The following NAALADL2 variants were observed in gnomAD, a reference collection of about 807,000 sequenced individuals.
NAALADL2 encodes the protein inactive N-acetylated-alpha-linked acidic dipeptidase-like protein 2.
In NAALADL2, 76 loss-of-function variants were observed where a neutral mutation model predicts 87.2. The observed-to-expected ratio is 0.87, with a 90% CI of 0.72 to 1.05. The LOEUF (loss-of-function observed/expected upper bound fraction) is 1.05, where lower values mean the gene tolerates loss of function less well. NAALADL2 is among the 50% of genes least tolerant of loss of function. NAALADL2 has a pLI of 0.00. For synonymous variants in NAALADL2, 354 were observed against 331.0 expected (o/e 1.07, Z -0.75); for missense variants, 1,089 against 945.8 (o/e 1.15, Z -1.99).
chr3:174,599,233 GTAGTAGATCTCATAGGTT>G (rs1718213101), intron 2 of NAALADL2, among the ~76,000 whole-genome samples: 1 of 152,160 alleles, frequency 6.6e-6, no homozygotes, highest in Non-Finnish European at 1.5e-5. Flanking sequence ...TCATCAACAG[GTAGTAGATCTCATAGGTT>G]TAGTAGAGTG....
intron 1 of NAALADL2, among the ~76,000 whole-genome samples, chr3:174,488,974 C>A (rs1718023311): frequency 6.6e-6 from 1 of 152,010 alleles, no homozygotes; most frequent in Admixed American, 6.6e-5. Context: ...CAGCATACTC[C>A]CCTTTCTAAC....
intron 2 of NAALADL2, among the ~76,000 whole-genome samples, chr3:174,703,612 C>T (rs570633647): frequency 1.3e-5 from 2 of 152,142 alleles, no homozygotes; most frequent in South Asian, 4.2e-4. Context: ...TTAATCTTCT[C>T]AGAAATCATC....
chr3:175,450,203 A>G (rs1257370596), intron 6 of NAALADL2, among the ~76,000 whole-genome samples: 2 of 152,182 alleles, frequency 1.3e-5, no homozygotes, highest in Non-Finnish European at 2.9e-5. Flanking sequence ...CATAGATACT[A>G]TAAAATGCAT....
At chr3:174,559,335 T>C (rs1713281637) in intron 2 of NAALADL2, among the ~76,000 whole-genome samples, 1 of 152,158 alleles carries the variant, frequency 6.6e-6, no homozygotes, top group African/African-American at 2.4e-5. Context: ...CATACCATTG[T>C]GAAAGATTAT....
chr3:175,639,238 CT>C (rs1264043862), intron 11 of NAALADL2, among the ~76,000 whole-genome samples: 2 of 151,018 alleles, frequency 1.3e-5, no homozygotes, highest in Non-Finnish European at 3.0e-5. Context: ...CACCTGTTAA[CT>C]AATTACTTCA....
chr3:174,461,165 A>G (rs1001330087), intron 1 of NAALADL2, among the ~76,000 whole-genome samples: 1 of 152,108 alleles, frequency 6.6e-6, no homozygotes, highest in African/African-American at 2.4e-5. Context: ...GTACTCATTC[A>G]GTGTACAGTT....
intron 2 of NAALADL2, among the ~76,000 whole-genome samples, chr3:174,657,338 G>A (rs1010414226): frequency 5.9e-5 from 9 of 152,138 alleles, no homozygotes; most frequent in African/African-American, 2.2e-4. Context: ...TGTAGTTTTA[G>A]TAGAGACGGG....
chr3:174,697,597 A>G (rs1294304628), intron 2 of NAALADL2, among the ~76,000 whole-genome samples: 1 of 152,184 alleles, frequency 6.6e-6, no homozygotes, highest in Non-Finnish European at 1.5e-5. Flanking sequence ...GGGAAATTGT[A>G]ATATTAGAAC....
At chr3:175,650,805 A>G (rs1730662106) in intron 11 of NAALADL2, among the ~76,000 whole-genome samples, 1 of 152,182 alleles carries the variant, frequency 6.6e-6, no homozygotes, top group African/African-American at 2.4e-5. Context: ...TGACATCCAG[A>G]TCATCTGTCA....
chr3:174,955,532 G>T (rs1334493564), intron 1 of NAALADL2, among the ~76,000 whole-genome samples: 2 of 152,054 alleles, frequency 1.3e-5, no homozygotes, highest in Non-Finnish European at 2.9e-5. Flanking sequence ...CACAAATGAT[G>T]ATACCTCTCA....
In NAALADL2 at chr3:175,362,085, T is replaced by C. The variant is rs1266124151; in HGVS notation, c.1090+37760T>C. Among the ~76,000 whole-genome samples, 2 of 148,544 alleles carry C rather than the reference T, an allele frequency of 1.3e-5. 1 individual carries two copies. Among genetic ancestry groups the C allele is most frequent in the Non-Finnish European group, 3.0e-5 (2 of 66,774 alleles). On this transcript the variant is annotated intron_variant, in intron 5 of 13. Coordinates refer to ENST00000454872, the MANE Select transcript of NAALADL2 (RefSeq NM_207015.3). ...GGATCCAGTTTCAGCTTTCTACATA[T>C]GGCTAGCCAATTTTCCAGCGCCATT...
chr3:175,517,540 C>T (rs1732026571), intron 9 of NAALADL2, among the ~76,000 whole-genome samples: 1 of 151,988 alleles, frequency 6.6e-6, no homozygotes, highest in South Asian at 2.1e-4. Context: ...TTATTTTCTC[C>T]AATTTTAAAT....
chr3:174,709,971 T>C (rs565849156), intron 2 of NAALADL2, among the ~76,000 whole-genome samples: 2 of 152,322 alleles, frequency 1.3e-5, no homozygotes, highest in African/African-American at 2.4e-5. Flanking sequence ...ATAAGGCCTT[T>C]GTTTATAAAT....
At chr3:174,696,999 A>G (rs939823436) in intron 2 of NAALADL2, among the ~76,000 whole-genome samples, 8 of 152,186 alleles carry the variant, frequency 5.3e-5, no homozygotes, top group African/African-American at 1.9e-4. Context: ...TCATACAAAA[A>G]GAAATATTGT....
chr3:175,486,893 G>A (rs1727356990), intron 9 of NAALADL2, among the ~76,000 whole-genome samples: 1 of 151,996 alleles, frequency 6.6e-6, no homozygotes, highest in African/African-American at 2.4e-5. Flanking sequence ...CTACAGCCAG[G>A]ATGCAACTGT....
At position 175,664,278 on chromosome 3, in the gene NAALADL2, T is replaced by C. The variant is rs1454806232; in HGVS notation, c.1896+36892T>C. Among the ~76,000 whole-genome samples, 4 of 152,160 alleles carry C rather than the reference T, an allele frequency of 2.6e-5. No individual in the cohort carries two copies. The East Asian group carries it at 5.8e-4, about 22-fold the overall frequency. ...AACAAGAATATTGTTAGGAGTTAGT[T>C]TGGAAAAAACAAACTTATTGGGAAC... is the stretch of plus-strand genomic sequence containing the variant. On this transcript the variant is annotated intron_variant, in intron 11 of 13. Transcript: ENST00000454872.
At chr3:174,907,487 C>G (rs771006248) in intron 1 of NAALADL2, among the ~76,000 whole-genome samples, 3 of 151,960 alleles carry the variant, frequency 2.0e-5, no homozygotes, top group Non-Finnish European at 4.4e-5. Context: ...TTCATTTGTA[C>G]TAATATTTCA....
chr3:175,566,107 G>A (rs1425288135), intron 9 of NAALADL2, among the ~76,000 whole-genome samples: 2 of 152,086 alleles, frequency 1.3e-5, no homozygotes, highest in Non-Finnish European at 2.9e-5. Context: ...TGGAATTACA[G>A]GTGTGAGCCT....
chr3:174,452,507 C>T (rs1233271836), intron 1 of NAALADL2, among the ~76,000 whole-genome samples: 1 of 152,120 alleles, frequency 6.6e-6, no homozygotes, highest in Non-Finnish European at 1.5e-5. Flanking sequence ...CTTTATCTGG[C>T]ACCACCCATC....
Sources: allele counts gnomAD v4.1 joint callset (sites outside exome capture counted in the v4.1 genomes callset), GRCh38; gene constraint gnomAD v4.1.1; transcripts MANE v1.5; gene names NCBI Gene and HGNC (gene_info 2026-07-23, HGNC 2026-07-21).